Variants in RET observed in about 807,000 individuals in gnomAD.
RET encodes the protein ret proto-oncogene.
Under a neutral mutation model 118.3 loss-of-function variants are expected in RET, and 19 were observed. That is an observed-to-expected ratio of 0.16 (90% CI 0.11 to 0.24). The LOEUF is 0.24. Ranked by LOEUF, RET falls within the 10% of genes least tolerant of loss-of-function variation. RET has a pLI of 1.00. For missense variants in RET, 1,219 were observed against 1,502.1 expected (o/e 0.81, Z 3.12); for synonymous variants, 597 against 644.1 (o/e 0.93, Z 1.11).
At chr10:43,120,403 TCCTCCAGGG>T (rs1196129854) in intron 15 of RET, among the ~76,000 whole-genome samples, 200 bp downstream of exon 15, 3 of 152,122 alleles carry the variant, frequency 2.0e-5, no homozygotes, top group South Asian at 2.1e-4. Context: ...CATGTCCTTC[TCCTCCAGGG>T]CCTCCAGGGC....
intron 1 of RET, among the ~76,000 whole-genome samples, chr10:43,083,703 T>A (rs1837234621): frequency 6.6e-6 from 1 of 152,152 alleles, no homozygotes; most frequent in African/African-American, 2.4e-5. Flanking sequence ...CTGGTCCACA[T>A]AGCAGGGGCT....
rs528995550 is a variant in RET, at chr10:43,114,887, G to A, written c.2136+151G>A. On this transcript the variant is annotated intron_variant, in intron 11 of 19. Transcript: ENST00000355710. The surrounding 1 kb of genome is among the most constrained non-coding windows in gnomAD (Gnocchi z 4.6). ...TGTTCTGCCCCCATTTCCATAGGGC[G>A]CTGTGTGGGGACAGTCTGTGGGGTG... 1,055 of 830,832 alleles carry A rather than the reference G, an allele frequency of 1.3e-3. 5 individuals are homozygous for A. The highest frequency in any genetic ancestry group is 1.6e-3 in the Non-Finnish European group (889 of 544,474). The allele number at this position is 830,832 out of a possible 1,614,324, so 51.5% of individuals were successfully genotyped here. A position where few individuals can be genotyped will look rare whatever the true frequency, so the allele number is the denominator to read the frequency against.
chr10:43,128,325 A>G lies in RET; in HGVS notation c.*56A>G. ...AGGGGAAGAAACATGCTGAGAATGG[A>G]AAGTCTACCGGCCCTTTCTTTGTGA... is the stretch of plus-strand genomic sequence containing the variant. On this transcript the variant is annotated 3_prime_UTR_variant, in exon 20 of 20. Coordinates refer to ENST00000355710, the MANE Select transcript of RET (RefSeq NM_020975.6). 1 of 1,594,624 alleles carries G rather than the reference A, an allele frequency of 6.3e-7. No homozygotes were observed. The highest frequency in any genetic ancestry group is 8.6e-7 in the Non-Finnish European group (1 of 1,162,534).
At chr10:43,082,480 G>C (rs1476437488) in intron 1 of RET, among the ~76,000 whole-genome samples, 1 of 152,162 alleles carries the variant, frequency 6.6e-6, no homozygotes, top group Non-Finnish European at 1.5e-5. Context: ...CTGATATCAG[G>C]GATACCTGGA....
intron 1 of RET, among the ~76,000 whole-genome samples, chr10:43,099,557 T>TAAAA (rs1399152308): frequency 2.7e-5 from 4 of 150,226 alleles, no homozygotes; most frequent in East Asian, 1.9e-4. Flanking sequence ...AATAAATAAA[T>TAAAA]AAAAATTACA....
At position 43,102,364 on chromosome 10, in the gene RET, C is replaced by T. The variant is rs2132677965; in HGVS notation, c.360C>T (p.Thr120=). The T allele has an allele frequency of 1.2e-6, 2 of 1,614,210 alleles. No homozygotes were observed. Among genetic ancestry groups the T allele is most frequent in the South Asian group, 1.1e-5 (1 of 91,090 alleles). Residue 120 remains threonine (T), a synonymous_variant, in exon 3 of 20, where the codon ACC becomes ACT. Coordinates refer to ENST00000355710, the MANE Select transcript of RET (RefSeq NM_020975.6). ...SVRNRGFPLL[T]VYLKVFLSPT... is the part of the protein sequence containing the mutation. ...CAGACCGCGGCTTTCCCCTGCTCAC[C>T]GTCTACCTCAAGGTCTTCCTGTCAC... is the stretch of plus-strand genomic sequence containing the variant.
rs557308838 is a variant in RET at position 43,114,292 on chromosome 10, G to C, written c.1880-188G>C. Among the ~76,000 whole-genome samples, 10 of 152,284 alleles carry C rather than the reference G, an allele frequency of 6.6e-5. No individual in the cohort carries two copies. The highest frequency in any genetic ancestry group is 2.4e-4 in the African/African-American group (10 of 41,568). ...CTGTAAGAGGGCAATAGTGGTCTAG[G>C]AGGGGGCAGTAAATGGCAGTACCCA... On this transcript the variant is annotated intron_variant, in intron 10 of 19. Transcript: ENST00000355710. The surrounding 1 kb of genome is among the most constrained non-coding windows in gnomAD (Gnocchi z 4.6).
At chr10:43,092,623 G>A (rs1325379328) in intron 1 of RET, among the ~76,000 whole-genome samples, 2 of 152,220 alleles carry the variant, frequency 1.3e-5, no homozygotes, top group Non-Finnish European at 2.9e-5. Context: ...GCCTCCAGCT[G>A]GGACAGAGCC....
At chr10:43,119,465 C>T in intron 13 of RET, 66 bp from the exon 14 acceptor site, 1 of 1,435,644 alleles carries the variant, frequency 7.0e-7, no homozygotes, top group Non-Finnish European at 9.5e-7. Context: ...GGCCTCCCAC[C>T]CCTGGCTCCT....
intron 1 of RET, among the ~76,000 whole-genome samples, chr10:43,093,976 C>G (rs976457186): frequency 4.0e-5 from 6 of 151,890 alleles, no homozygotes; most frequent in Admixed American, 2.0e-4. Flanking sequence ...TCAGCAGGGC[C>G]ACGGGCTCCA....
rs1245480170 is a variant in RET at position 43,129,840 on chromosome 10, C to G, written c.*1571C>G. 1.5e-5 allele frequency: 6 copies of G among 397,002 alleles called. No individual in the cohort carries two copies. Among genetic ancestry groups the G allele is most frequent in the African/African-American group, 2.1e-5 (1 of 48,568 alleles). 24.6% of individuals were successfully genotyped at this position (397,002 alleles called of 1,614,324 possible). ...TGCTTATTGGACACGTAACCTGGCTCTAATTTGGGCTGTTTTTCAGATACA... is the reference window on the plus strand; with the variant it reads ...TGCTTATTGGACACGTAACCTGGCTGTAATTTGGGCTGTTTTTCAGATACA... On this transcript the variant is annotated 3_prime_UTR_variant, in exon 20 of 20. Transcript: ENST00000355710.
chr10:43,077,285 G>A lies in RET; in HGVS notation c.27G>A (p.Ala9=), dbSNP rs1837064827. Residue 9 remains alanine, a synonymous_variant, in exon 1 of 20, where the codon GCG becomes GCA. Transcript: ENST00000355710. MAKATSGA[A]GLRLLLLLLL... is the part of the protein sequence containing the mutation. ...TGGCGAAGGCGACGTCCGGTGCCGC[G>A]GGGCTGCGTCTGCTGTTGCTGCTGC... 1 of 1,508,558 alleles carries A rather than the reference G, an allele frequency of 6.6e-7. No individual in the cohort carries two copies. The highest frequency in any genetic ancestry group is 8.8e-7 in the Non-Finnish European group (1 of 1,134,124). The allele number at this position is 1,508,558 out of a possible 1,614,324, so 93.4% of individuals were successfully genotyped here.
chr10:43,100,646 C>T lies in RET; in HGVS notation c.261C>T (p.Cys87=), dbSNP rs2132662974. The T allele has an allele frequency of 1.9e-6, 3 of 1,613,342 alleles. No homozygotes were observed. The South Asian group carries it at 3.3e-5, about 18-fold the overall frequency. ...GGCTGCATGAGAACAACTGGATCTG[C>T]ATCCAGGAGGACACCGGCCTCCTCT... is the stretch of plus-strand genomic sequence containing the variant. ...RTRLHENNWI[C]IQEDTGLLYL... The change falls in exon 2 of 20, where the codon TGC becomes TGT. Residue 87 remains cysteine, a synonymous_variant. Coordinates refer to ENST00000355710, the MANE Select transcript of RET (RefSeq NM_020975.6).
At chr10:43,079,410 C>T (rs1837128739) in intron 1 of RET, among the ~76,000 whole-genome samples, 1 of 152,226 alleles carries the variant, frequency 6.6e-6, no homozygotes, top group Non-Finnish European at 1.5e-5. Flanking sequence ...CCCAGGTATG[C>T]TGGAACCAGA....
At chr10:43,112,076 C>G (rs1837948021) in intron 7 of RET, 23 bp from the exon 8 acceptor site, 11 of 1,589,580 alleles carry the variant, frequency 6.9e-6, no homozygotes, top group Non-Finnish European at 9.4e-6. Context: ...CCCCCTGTGA[C>G]CCTGCTTGTC....
chr10:43,120,014 C>G (rs1838175048), intron 14 of RET, 67 bp from the exon 15 acceptor site: 1 of 1,601,204 alleles, frequency 6.2e-7, no homozygotes, highest in African/African-American at 1.3e-5. Flanking sequence ...GCTGGTCACA[C>G]CAGGCTGAGC....
At chr10:43,127,727 C>T (rs1311980028) in intron 19 of RET, among the ~76,000 whole-genome samples, 1 of 151,800 alleles carries the variant, frequency 6.6e-6, no homozygotes, top group Non-Finnish European at 1.5e-5. Context: ...AGACAACAGA[C>T]GAGTGCCTCC....
chr10:43,128,057 G>A, intron 19 of RET, 55 bp from the exon 20 acceptor site: 1 of 1,600,132 alleles, frequency 6.2e-7, no homozygotes, highest in Non-Finnish European at 8.6e-7. Context: ...CTTACTGTCT[G>A]CACTTGAAGT....
chr10:43,103,048 C>T (rs1391636711), intron 3 of RET, among the ~76,000 whole-genome samples: 3 of 152,128 alleles, frequency 2.0e-5, no homozygotes, highest in East Asian at 1.9e-4. Context: ...GGGAGGGTGC[C>T]GGGTAGGCAG....
Sources: allele counts gnomAD v4.1 joint callset (sites outside exome capture counted in the v4.1 genomes callset), GRCh38; gene constraint gnomAD v4.1.1; non-coding constraint Gnocchi (gnomAD v3.1); transcripts MANE v1.5; gene names NCBI Gene and HGNC (gene_info 2026-07-23, HGNC 2026-07-21).